RMC1: variants seen among roughly 807,000 people sequenced by gnomAD.
RMC1 encodes regulator of MON1-CCZ1, also known as regulator of MON1-CCZ1 complex.
In RMC1, 44 loss-of-function variants were observed where a neutral mutation model predicts 95.5. The ratio of observed to expected loss-of-function variants is 0.46; its 90% confidence interval spans 0.36 to 0.59. The LOEUF is 0.59. RMC1 is among the 20% of genes least tolerant of loss of function. The pLI is 0.00. For missense variants in RMC1, 705 were observed against 819.6 expected, an observed-to-expected ratio of 0.86 and a Z score of 1.71; for synonymous variants, 320 against 303.6, an observed-to-expected ratio of 1.05 and a Z score of -0.56.
Position 23,531,770 on chromosome 18 carries a change from TTAAACTA to T in RMC1, c.*71_*77del, listed in dbSNP as rs1327359329. On this transcript the variant is annotated 3_prime_UTR_variant, in exon 20 of 20. Coordinates refer to ENST00000269221, the MANE Select transcript of RMC1 (RefSeq NM_013326.5). ...TAATTTATTGCATTAATAAAGCTCT[TTAAACTA>T]TAAAATGTTATAAAGTGTATCTACA... is the stretch of plus-strand genomic sequence containing the variant. 3 of 1,576,310 alleles carry T rather than the reference TTAAACTA, an allele frequency of 1.9e-6. No individual in the cohort carries two copies. Among genetic ancestry groups the T allele is most frequent in the Non-Finnish European group, 2.6e-6 (3 of 1,167,112 alleles).
chr18:23,527,181 C>T (rs1160520501), intron 13 of RMC1, among the ~76,000 whole-genome samples: 1 of 131,014 alleles, frequency 7.6e-6, no homozygotes, highest in African/African-American at 3.0e-5. Flanking sequence ...CCTAGGAGTT[C>T]GAGACCAGCC....
rs763346343 is a variant in RMC1, at chr18:23,503,587, C to G, written c.-32C>G. On this transcript the variant is annotated 5_prime_UTR_variant, in exon 1 of 20. Transcript: ENST00000269221. ...TCCTGCTCCACTCTGGCGACCGCCC[C>G]CGGGGCCCCCGCCGCGGGCGCGGCG... 1 of 1,525,038 alleles carries G rather than the reference C, an allele frequency of 6.6e-7. No individual in the cohort carries two copies. Among genetic ancestry groups the G allele is most frequent in the South Asian group, 1.2e-5 (1 of 84,584 alleles). 94.5% of individuals were successfully genotyped at this position (1,525,038 alleles called of 1,614,324 possible).
chr18:23,531,072 G>A (rs2058487553), intron 19 of RMC1, among the ~76,000 whole-genome samples: 1 of 151,822 alleles, frequency 6.6e-6, no homozygotes, highest in South Asian at 2.1e-4. Context: ...TCGGTTCACT[G>A]CAACCTCCGC....
At chr18:23,528,816 T>C (rs1487762885) in intron 14 of RMC1, 1 of 168,744 alleles carries the variant, frequency 5.9e-6, no homozygotes, top group African/African-American at 2.4e-5. Flanking sequence ...GCATCTGGAG[T>C]TTCTTGGAAA....
At chr18:23,515,235 A>G (rs985400880) in intron 5 of RMC1, among the ~76,000 whole-genome samples, 1 of 152,168 alleles carries the variant, frequency 6.6e-6, no homozygotes, top group Non-Finnish European at 1.5e-5. Flanking sequence ...AGGCACAGAT[A>G]AGGATTTTGG....
At chr18:23,528,128 T>C in intron 14 of RMC1, 1 of 436,662 alleles carries the variant, frequency 2.3e-6, no homozygotes, top group Non-Finnish European at 4.1e-6. Context: ...ATACCTTCAC[T>C]GTTTTTGTTT....
chr18:23,530,660 A>C, intron 19 of RMC1, 48 bp downstream of exon 19: 2 of 1,561,212 alleles, frequency 1.3e-6, no homozygotes, highest in Non-Finnish European at 1.7e-6. Flanking sequence ...CTCAAAGAGT[A>C]GCAGAGGGCA....
At chr18:23,521,696 T>TC (rs965762826) in intron 10 of RMC1, among the ~76,000 whole-genome samples, 14 of 12,282 alleles carry the variant, frequency 1.1e-3, no homozygotes, top group African/African-American at 8.2e-3. Flanking sequence ...ACTCTCTCTC[T>TC]TTTTTTTTTT....
intron 5 of RMC1, among the ~76,000 whole-genome samples, chr18:23,512,801 A>G (rs371622563): frequency 6.6e-6 from 1 of 152,304 alleles, no homozygotes. Context: ...TTAAGTGTTC[A>G]GTTCAGTAGT....
intron 2 of RMC1, 137 bp from the exon 3 acceptor site, chr18:23,506,833 G>A (rs1244965279): frequency 4.8e-6 from 3 of 629,148 alleles, no homozygotes; most frequent in African/African-American, 1.9e-5. Context: ...TCCTACTGAT[G>A]GCTTCCGAAA....
At position 23,521,693 on chromosome 18, in the gene RMC1, CTCTTT is replaced by C. The variant is rs368539138; in HGVS notation, c.961+1382_961+1386del. ...AAAGAATATTCAACACACACTCTCTCTCTTTTTTTTTTTTCCTTAAACAGAACTTT... is the reference window on the plus strand; with the variant it reads ...AAAGAATATTCAACACACACTCTCTCTTTTTTTTTCCTTAAACAGAACTTT... On this transcript the variant is annotated intron_variant, in intron 10 of 19. Transcript: ENST00000269221. 1.6e-3 allele frequency among the ~76,000 whole-genome samples: 109 copies of C among 68,920 alleles called. 1 individual carries two copies. Among genetic ancestry groups the C allele is most frequent in the Non-Finnish European group, 2.1e-3 (81 of 39,014 alleles). The allele number at this position is 68,920 out of a possible 152,430, so 45.2% of individuals were successfully genotyped here. A position where few individuals can be genotyped will look rare whatever the true frequency, so the allele number is the denominator to read the frequency against.
chr18:23,516,127 G>A (rs2057997843), intron 6 of RMC1, 131 bp downstream of exon 6: 10 of 1,420,552 alleles, frequency 7.0e-6, no homozygotes, highest in Admixed American at 3.7e-5. Context: ...CCACTAGAGG[G>A]CACTCTGTAT....
At chr18:23,529,105 C>A in intron 14 of RMC1, 74 bp from the exon 15 acceptor site, 1 of 1,551,182 alleles carries the variant, frequency 6.4e-7, no homozygotes, top group Non-Finnish European at 8.7e-7. Flanking sequence ...GAATTCAGTC[C>A]TTGTGGATGA....
intron 5 of RMC1, among the ~76,000 whole-genome samples, chr18:23,513,250 G>A (rs1464282771): frequency 6.6e-5 from 10 of 152,172 alleles, no homozygotes; most frequent in African/African-American, 1.7e-4. Context: ...CACTGTGTCC[G>A]GCCGAATTTG....
chr18:23,509,094 A>G (rs1291127175), intron 4 of RMC1, 99 bp from the exon 5 acceptor site: 2 of 413,614 alleles, frequency 4.8e-6, no homozygotes, highest in Non-Finnish European at 8.4e-6. Flanking sequence ...GGGAACGTTC[A>G]TTAAAGAATG....
In RMC1 at chr18:23,529,164, G is replaced by GT. The variant is rs748155130; in HGVS notation, c.1297-8dup. 2.5e-6 allele frequency: 4 copies of GT among 1,606,456 alleles called. No individual in the cohort carries two copies. Among genetic ancestry groups the GT allele is most frequent in the East Asian group, 2.2e-5 (1 of 44,850 alleles). On this transcript the variant is annotated splice_polypyrimidine_tract_variant and intron_variant, in intron 14 of 19. Transcript: ENST00000269221. ...AAGATGCCGAAGATCATAGTTTGTGGTTTTTTTCTTTCAGGCGGTGGAAGC... is the reference window on the plus strand; with the variant it reads ...AAGATGCCGAAGATCATAGTTTGTGGTTTTTTTTCTTTCAGGCGGTGGAAGC...
chr18:23,521,022 T>G (rs982391480), intron 10 of RMC1, among the ~76,000 whole-genome samples: 1 of 152,084 alleles, frequency 6.6e-6, no homozygotes, highest in African/African-American at 2.4e-5. Context: ...CTGGCCCAAA[T>G]TTTTATATTT....
intron 3 of RMC1, among the ~76,000 whole-genome samples, chr18:23,507,381 T>C (rs2057742492): frequency 6.6e-6 from 1 of 152,190 alleles, no homozygotes; most frequent in Non-Finnish European, 1.5e-5. Flanking sequence ...CGCCTCAGTC[T>C]CCCTTAAAAA....
chr18:23,509,372 T>C (rs935084183), intron 5 of RMC1, 93 bp downstream of exon 5: 1 of 382,230 alleles, frequency 2.6e-6, no homozygotes, highest in Non-Finnish European at 4.4e-6. Flanking sequence ...TATATATATA[T>C]TTTAAACATT....
Sources: allele counts gnomAD v4.1 joint callset (sites outside exome capture counted in the v4.1 genomes callset), GRCh38; gene constraint gnomAD v4.1.1; transcripts MANE v1.5; gene names NCBI Gene and HGNC (gene_info 2026-07-23, HGNC 2026-07-21).